The following CIB2 variants were observed in gnomAD, a reference collection of about 807,000 sequenced individuals.
CIB2 encodes calcium and integrin binding family member 2.
Under a neutral mutation model 23.1 loss-of-function variants are expected in CIB2, and 19 were observed. The ratio of observed to expected loss-of-function variants is 0.82; its 90% CI spans 0.57 to 1.21. CIB2 has a LOEUF of 1.21. CIB2 is among the 50% of genes most tolerant of loss of function. The pLI, the probability that CIB2 is intolerant of heterozygous loss-of-function variation, is 0.00. For missense variants in CIB2, 220 were observed against 241.5 expected (o/e 0.91, Z 0.59); for synonymous variants, 94 against 91.7 (o/e 1.03, Z -0.14).
intron 2 of CIB2, among the ~76,000 whole-genome samples, chr15:78,114,775 CAAAA>C (rs781254176): frequency 3.0e-5 from 2 of 66,940 alleles, no homozygotes; most frequent in South Asian, 9.8e-4. Flanking sequence ...CATGTCTCTA[CAAAA>C]AAAAAAAAAA....
At chr15:78,112,361 G>A (rs901554298) in intron 2 of CIB2, among the ~76,000 whole-genome samples, 2 of 152,064 alleles carry the variant, frequency 1.3e-5, no homozygotes, top group Non-Finnish European at 2.9e-5. Context: ...GAGGCCCAGA[G>A]TTTGAGACCA....
At chr15:78,107,369 A>T (rs1238577144) in intron 4 of CIB2, among the ~76,000 whole-genome samples, 2 of 152,198 alleles carry the variant, frequency 1.3e-5, no homozygotes, top group Non-Finnish European at 2.9e-5. Flanking sequence ...GCCTGGGCAC[A>T]ACTCTAGGGT....
In CIB2 at chr15:78,131,421, G is replaced by A. The variant is rs1481270571; in HGVS notation, c.-206C>T. 4.9e-6 allele frequency: 1 copy of A among 205,286 alleles called. No individual in the cohort carries two copies. The highest frequency in any genetic ancestry group is 9.2e-6 in the Non-Finnish European group (1 of 108,826). The allele number at this position is 205,286 out of a possible 1,614,324, so 12.7% of individuals were successfully genotyped here. ...GCGGGGACGGGAACCCGGAGCGGCA[G>A]CGACTCCGCCGCCGGCGGGAAGAGG... On this transcript the variant is annotated 5_prime_UTR_variant, in exon 1 of 6. Transcript: ENST00000258930. This position sits in a 1 kb window ranked among gnomAD's most constrained non-coding sequence, Gnocchi z 5.8.
Position 78,110,670 on chromosome 15 carries a change from G to A in CIB2, c.198+495C>T, listed in dbSNP as rs764504632. 23 of 456,170 alleles carry A rather than the reference G, an allele frequency of 5.0e-5. No individual in the cohort carries two copies. In the East Asian group the frequency reaches 1.2e-3, roughly 23 times the overall value. 28.3% of individuals were successfully genotyped at this position (456,170 alleles called of 1,614,324 possible). A position where few individuals can be genotyped will look rare whatever the true frequency, so the allele number is the denominator to read the frequency against. The stretch of plus-strand genomic sequence containing the variant: ...ATCAGTCTCACCTGGGAACTTGCTC[G>A]AAAAGCAGAATCCTGACTCTACTCC... On this transcript the variant is annotated intron_variant, in intron 3 of 5. Transcript: ENST00000258930.
chr15:78,127,126 G>C (rs1403397636), intron 1 of CIB2, among the ~76,000 whole-genome samples: 2 of 152,154 alleles, frequency 1.3e-5, no homozygotes, highest in Non-Finnish European at 2.9e-5. Flanking sequence ...CAGCTGATAG[G>C]AAAGAGTACA....
chr15:78,131,180 C>G lies in CIB2; in HGVS notation c.36G>C (p.Gln12His). The G allele has an allele frequency of 6.3e-7, 1 of 1,591,316 alleles. No individual in the cohort carries two copies. The highest frequency in any genetic ancestry group is 8.5e-7 in the Non-Finnish European group (1 of 1,170,358). The change falls in exon 1 of 6, where the codon CAG (glutamine) becomes CAC (histidine). Residue 12 changes from glutamine to histidine, a missense_variant. Gln to His is a conservative substitution (Grantham distance 24). Transcript: ENST00000258930. This position sits in a 1 kb window ranked among gnomAD's most constrained non-coding sequence, Gnocchi z 5.8. ...GNKQTIFTEE[Q>H]LDNYQDCTFF... ...CCGAGCTCACCTGGTAGTTGTCTAG[C>G]TGCTCTTCGGTGAAGATGGTCTGCT...
chr15:78,124,105 C>T (rs1016110746), intron 1 of CIB2, among the ~76,000 whole-genome samples: 25 of 151,962 alleles, frequency 1.6e-4, no homozygotes, highest in African/African-American at 5.8e-4. Context: ...GAGACAACTC[C>T]GAATGAGGAC....
chr15:78,117,756 C>T (rs769912336), intron 2 of CIB2, among the ~76,000 whole-genome samples: 1 of 152,332 alleles, frequency 6.6e-6, no homozygotes, highest in African/African-American at 2.4e-5. Flanking sequence ...TCCCACCCGA[C>T]TAGACAGCTT....
At chr15:78,124,337 G>A (rs1394931177) in intron 1 of CIB2, among the ~76,000 whole-genome samples, 1 of 152,008 alleles carries the variant, frequency 6.6e-6, no homozygotes. Flanking sequence ...AGAAACGTGG[G>A]CAGGGGGAAC....
chr15:78,116,179 C>A (rs1196547445), intron 2 of CIB2, among the ~76,000 whole-genome samples: 1 of 151,986 alleles, frequency 6.6e-6, no homozygotes, highest in South Asian at 2.1e-4. Flanking sequence ...ATAGGAGGGG[C>A]TGGGCACGGT....
intron 4 of CIB2, among the ~76,000 whole-genome samples, chr15:78,108,918 T>TTGG (rs963923522): frequency 1.3e-5 from 2 of 152,222 alleles, no homozygotes; most frequent in African/African-American, 4.8e-5. Context: ...CTCTGTCAGG[T>TTGG]CTGCCAGCCC....
chr15:78,105,165 T>C lies in CIB2; in HGVS notation c.*146A>G. On this transcript the variant is annotated 3_prime_UTR_variant, in exon 6 of 6. Transcript: ENST00000258930. ...CAGGCCCCCTTCCTGGTTAAGGTTT[T>C]TTTTTTGCTGAAAGGGCCACAGGAT... is the stretch of plus-strand genomic sequence containing the variant. The C allele has an allele frequency of 8.6e-7, 1 of 1,156,494 alleles. No individual in the cohort carries two copies. The highest frequency in any genetic ancestry group is 2.4e-5 in the Admixed American group (1 of 41,394). 71.6% of individuals were successfully genotyped at this position (1,156,494 alleles called of 1,614,324 possible). A position where few individuals can be genotyped will look rare whatever the true frequency, so the allele number is the denominator to read the frequency against.
chr15:78,130,888 T>C (rs1194555820), intron 1 of CIB2, among the ~76,000 whole-genome samples: 2 of 151,710 alleles, frequency 1.3e-5, no homozygotes, highest in Non-Finnish European at 2.9e-5. Context: ...AATGGGTGGC[T>C]GGAGAGGGGT....
chr15:78,111,212 TG>T lies in CIB2; in HGVS notation c.150del (p.Ile51SerfsTer6). The T allele has an allele frequency of 6.2e-7, 1 of 1,614,148 alleles. No individual in the cohort carries two copies. Among genetic ancestry groups the T allele is most frequent in the Non-Finnish European group, 8.5e-7 (1 of 1,180,028 alleles). ...NLVPMDYRKS[P>X]IVHVPMSLII... is the part of the protein sequence containing the mutation. ...ATGAGGCTCATGGGCACGTGGACGA[TG>T]GGGCTCTTCCTGTAGTCCATTGGGA... On this transcript the variant is annotated frameshift_variant, in exon 3 of 6. Transcript: ENST00000258930. LOFTEE classifies it high-confidence loss of function.
intron 2 of CIB2, among the ~76,000 whole-genome samples, chr15:78,111,951 C>G (rs2074166252): frequency 6.6e-6 from 1 of 152,158 alleles, no homozygotes; most frequent in Non-Finnish European, 1.5e-5. Context: ...TCAGGAAGCC[C>G]CTATGAATGG....
chr15:78,128,396 G>GC (rs1292203886), intron 1 of CIB2, among the ~76,000 whole-genome samples: 1 of 152,222 alleles, frequency 6.6e-6, no homozygotes, highest in Admixed American at 6.5e-5. Context: ...GAGGCTGGAG[G>GC]CCCGGCGCGG....
intron 1 of CIB2, among the ~76,000 whole-genome samples, chr15:78,125,817 C>T (rs866611833): frequency 2.6e-5 from 4 of 152,158 alleles, no homozygotes; most frequent in Admixed American, 6.5e-5. Context: ...CCTCAGCAGA[C>T]CCCAGACAAA....
intron 2 of CIB2, among the ~76,000 whole-genome samples, chr15:78,119,036 C>G (rs1402218010): frequency 6.6e-6 from 1 of 151,758 alleles, no homozygotes; most frequent in African/African-American, 2.4e-5. Context: ...AAAAATTAGC[C>G]GAGCGTGTTG....
rs56911890 is a variant in CIB2 at position 78,118,588 on chromosome 15, CAA to C, written c.86+5115_86+5116del. ...TGGGTGACAGAGCCAGACTCCGTCT[CAA>C]AAAAAAAAAAAAAAAAATTGTGATA... On this transcript the variant is annotated intron_variant, in intron 2 of 5. Coordinates refer to ENST00000258930, the MANE Select transcript of CIB2 (RefSeq NM_006383.4). Among the ~76,000 whole-genome samples, 204 of 102,468 alleles carry C rather than the reference CAA, an allele frequency of 2.0e-3. 1 individual carries two copies. The highest frequency in any genetic ancestry group is 5.2e-3 in the African/African-American group (134 of 25,766). 67.2% of individuals were successfully genotyped at this position (102,468 alleles called of 152,430 possible). A position where few individuals can be genotyped will look rare whatever the true frequency, so the allele number is the denominator to read the frequency against.
Sources: allele counts gnomAD v4.1 joint callset (sites outside exome capture counted in the v4.1 genomes callset), GRCh38; gene constraint gnomAD v4.1.1; non-coding constraint Gnocchi (gnomAD v3.1); transcripts MANE v1.5; gene names NCBI Gene and HGNC (gene_info 2026-07-23, HGNC 2026-07-21).